NPTN: variants seen among roughly 807,000 people sequenced by gnomAD.
NPTN encodes the protein neuroplastin.
A neutral mutation model predicts 42.7 loss-of-function variants in NPTN; 5 were observed. The observed-to-expected ratio is 0.12, with a 90% CI of 0.06 to 0.25. NPTN has a LOEUF of 0.25. NPTN is among the 10% of genes least tolerant of loss of function. The pLI is 1.00. For synonymous variants in NPTN, 180 were observed against 201.9 expected (o/e 0.89, Z 0.92); for missense variants, 307 against 525.4 (o/e 0.58, Z 4.06).
intron 4 of NPTN, among the ~76,000 whole-genome samples, chr15:73,587,050 A>T (rs1852192010): frequency 6.6e-6 from 1 of 152,194 alleles, no homozygotes; most frequent in Non-Finnish European, 1.5e-5. Context: ...CAAACAGCTG[A>T]TGTCCACTCT....
chr15:73,624,249 T>C (rs917827423), intron 1 of NPTN, among the ~76,000 whole-genome samples: 2 of 152,244 alleles, frequency 1.3e-5, no homozygotes, highest in Admixed American at 1.3e-4. Flanking sequence ...CTATGTTATT[T>C]GTGTAAGGGT....
chr15:73,587,470 A>G (rs2141390621), intron 4 of NPTN, 54 bp downstream of exon 4: 3 of 1,250,870 alleles, frequency 2.4e-6, no homozygotes, highest in Non-Finnish European at 3.5e-6. Context: ...AGACCAAGGT[A>G]CTGTCTTGGA....
chr15:73,624,288 T>C (rs552700422), intron 1 of NPTN, among the ~76,000 whole-genome samples: 1 of 152,350 alleles, frequency 6.6e-6, no homozygotes, highest in Non-Finnish European at 1.5e-5. Flanking sequence ...TGCAAGCTAT[T>C]TGAAACCTCT....
intron 6 of NPTN, chr15:73,567,037 A>G: frequency 4.1e-6 from 4 of 979,344 alleles, no homozygotes; most frequent in Non-Finnish European, 4.8e-6. Context: ...GGAAGCAGCT[A>G]AACCTCAATC....
chr15:73,568,582 A>G lies in NPTN; in HGVS notation c.1114+1568T>C, dbSNP rs534063319. The G allele has an allele frequency of 4.1e-6, 4 of 985,452 alleles. No individual in the cohort carries two copies. In the South Asian group the frequency reaches 1.9e-4, roughly 46 times the overall value. The allele number at this position is 985,452 out of a possible 1,614,324, so 61.0% of individuals were successfully genotyped here. On this transcript the variant is annotated intron_variant, in intron 6 of 8. Coordinates refer to ENST00000345330, the MANE Select transcript of NPTN (RefSeq NM_012428.4). ...TTGGGAGTCCTAATATGTAGCAGGA[A>G]AGAAATACCTGGAGAGAAAAAGCAT... is the stretch of plus-strand genomic sequence containing the variant.
intron 4 of NPTN, among the ~76,000 whole-genome samples, chr15:73,575,014 G>A (rs187852338): frequency 6.6e-5 from 10 of 152,302 alleles, no homozygotes; most frequent in African/African-American, 1.7e-4. Context: ...ACAGAGTTTC[G>A]CTCTTGTCGC....
chr15:73,597,559 C>T lies in NPTN; in HGVS notation c.92-190G>A, dbSNP rs552476428. Reference sequence around the variant, plus strand: ...TCATACAAGCTTTTAGAAGAAGAACCACACCCTGGGAAGCTTATGAAGCAA... The same window carrying T: ...TCATACAAGCTTTTAGAAGAAGAACTACACCCTGGGAAGCTTATGAAGCAA... On this transcript the variant is annotated intron_variant, in intron 1 of 8. Coordinates refer to ENST00000345330, the MANE Select transcript of NPTN (RefSeq NM_012428.4). This position sits in a 1 kb window ranked among gnomAD's most constrained non-coding sequence, Gnocchi z 6.3. 6.6e-6 allele frequency among the ~76,000 whole-genome samples: 1 copy of T among 152,192 alleles called. No homozygotes were observed. Among genetic ancestry groups the T allele is most frequent in the South Asian group, 2.1e-4 (1 of 4,814 alleles).
intron 6 of NPTN, among the ~76,000 whole-genome samples, chr15:73,564,145 TCA>T (rs1894845684): frequency 6.6e-6 from 1 of 152,220 alleles, no homozygotes; most frequent in African/African-American, 2.4e-5. Flanking sequence ...AGATACACAT[TCA>T]CAGAGAGAGA....
At position 73,633,260 on chromosome 15, in the gene NPTN, C is replaced by A. The variant is rs779566008; in HGVS notation, c.-45G>T. 30 of 988,608 alleles carry A rather than the reference C, an allele frequency of 3.0e-5. No individual in the cohort carries two copies. The highest frequency in any genetic ancestry group is 8.8e-5 in the Admixed American group (3 of 34,174). The allele number at this position is 988,608 out of a possible 1,614,324, so 61.2% of individuals were successfully genotyped here. ...AACAGCGAATGGGCCGGGGCCAGAG[C>A]CGGGGCCGGGGAAGGGAGGGGAGGG... On this transcript the variant is annotated 5_prime_UTR_variant, in exon 1 of 9. Coordinates refer to ENST00000345330, the MANE Select transcript of NPTN (RefSeq NM_012428.4).
chr15:73,622,968 G>C (rs1006782242), intron 1 of NPTN, among the ~76,000 whole-genome samples: 1 of 152,204 alleles, frequency 6.6e-6, no homozygotes, highest in Non-Finnish European at 1.5e-5. Context: ...TACAGCACCA[G>C]CTCCCACTTC....
intron 4 of NPTN, 85 bp from the exon 5 acceptor site, chr15:73,573,880 C>T: frequency 6.6e-7 from 1 of 1,511,486 alleles, no homozygotes; most frequent in Non-Finnish European, 9.0e-7. Flanking sequence ...CAGAGCCCTG[C>T]TTGTAATGTA....
chr15:73,589,670 T>G (rs1035447271), intron 3 of NPTN, among the ~76,000 whole-genome samples: 11 of 152,138 alleles, frequency 7.2e-5, no homozygotes, highest in Non-Finnish European at 1.6e-4. Context: ...ACTCGACCAC[T>G]CTGGCCTAAT....
intron 6 of NPTN, among the ~76,000 whole-genome samples, chr15:73,566,186 G>A (rs1221093454): frequency 3.9e-5 from 6 of 152,154 alleles, no homozygotes; most frequent in African/African-American, 7.2e-5. Context: ...GACACCGAAT[G>A]CATGTTTTAG....
chr15:73,630,062 T>C (rs577008133), intron 1 of NPTN, among the ~76,000 whole-genome samples: 1 of 152,140 alleles, frequency 6.6e-6, no homozygotes, highest in East Asian at 1.9e-4. Flanking sequence ...TGAAGAAAAA[T>C]AAATAAAAAA....
intron 1 of NPTN, among the ~76,000 whole-genome samples, chr15:73,621,108 G>C (rs887477822): frequency 3.9e-5 from 6 of 152,098 alleles, no homozygotes; most frequent in African/African-American, 1.2e-4. Context: ...ATAGACATCT[G>C]ATTTCACTTT....
intron 5 of NPTN, among the ~76,000 whole-genome samples, chr15:73,572,898 T>G (rs776220207): frequency 2.0e-5 from 3 of 152,108 alleles, no homozygotes; most frequent in African/African-American, 7.2e-5. Flanking sequence ...GACAGGATCA[T>G]GGGGGCGGAT....
In NPTN at chr15:73,595,116, T is replaced by C. The variant is rs185706502; in HGVS notation, c.439+1906A>G. On this transcript the variant is annotated intron_variant, in intron 2 of 8. Coordinates refer to ENST00000345330, the MANE Select transcript of NPTN (RefSeq NM_012428.4). ...ATTCTAAGTAAACTGGGGAATGCTATGTATTCTCGGGATTGGTAGGTAGGT... is the reference window on the plus strand; with the variant it reads ...ATTCTAAGTAAACTGGGGAATGCTACGTATTCTCGGGATTGGTAGGTAGGT... 7.2e-5 allele frequency among the ~76,000 whole-genome samples: 11 copies of C among 152,284 alleles called. No homozygotes were observed. The East Asian group carries it at 1.9e-3, about 27-fold the overall frequency.
intron 4 of NPTN, among the ~76,000 whole-genome samples, chr15:73,585,594 C>T (rs955210087): frequency 6.6e-6 from 1 of 152,200 alleles, no homozygotes; most frequent in Non-Finnish European, 1.5e-5. Flanking sequence ...AAACATTGAA[C>T]TCTTTTCTAT....
In NPTN at chr15:73,567,221, T is replaced by C. The variant is rs116217447; in HGVS notation, c.1114+2929A>G. The C allele has an allele frequency of 1.3e-3, 1,291 of 985,226 alleles. 16 individuals carry two copies. The African/African-American group carries it at 0.021, about 16-fold the overall frequency. The allele number at this position is 985,226 out of a possible 1,614,324, so 61.0% of individuals were successfully genotyped here. A position where few individuals can be genotyped will look rare whatever the true frequency, so the allele number is the denominator to read the frequency against. ...CACAGACTGCCCAAAATATGACGAC[T>C]GTGCATTCATATAAAAAAAGTTCAG... On this transcript the variant is annotated intron_variant, in intron 6 of 8. Coordinates refer to ENST00000345330, the MANE Select transcript of NPTN (RefSeq NM_012428.4).
Sources: gnomAD v4.1 joint callset for allele counts (sites outside exome capture counted in the v4.1 genomes callset) on GRCh38, gnomAD v4.1.1 for gene constraint, Gnocchi (gnomAD v3.1) non-coding constraint, MANE v1.5 for transcripts, NCBI Gene and HGNC (gene_info 2026-07-23, HGNC 2026-07-21) for gene names.